Variants in CMSS1 observed in about 807,000 individuals in gnomAD.
CMSS1 encodes cms1 ribosomal small subunit homolog, also known as protein CMSS1.
CMSS1 carries 33 observed loss-of-function variants against 43.5 expected under a neutral mutation model. That is an observed-to-expected ratio of 0.76 (90% CI 0.57 to 1.01). The LOEUF (loss-of-function observed/expected upper bound fraction) is 1.01, where lower values mean the gene tolerates loss of function less well. Ranked by LOEUF, CMSS1 falls within the 50% of genes least tolerant of loss-of-function variation. The probability of loss-of-function intolerance (pLI) is 0.00; values close to 1 mark genes in which losing one functional copy is unlikely to be tolerated. For synonymous variants in CMSS1, 115 were observed against 117.2 expected, an observed-to-expected ratio of 0.98 and a Z score of 0.12; for missense variants, 313 against 326.4, an observed-to-expected ratio of 0.96 and a Z score of 0.32.
chr3:99,891,894 G>A (rs1706093428), intron 1 of CMSS1, among the ~76,000 whole-genome samples: 1 of 152,008 alleles, frequency 6.6e-6, no homozygotes, highest in Non-Finnish European at 1.5e-5. Flanking sequence ...GTCATTCTTA[G>A]GTCTACATAT....
chr3:100,062,935 G>A (rs2065599085), intron 1 of CMSS1, among the ~76,000 whole-genome samples: 1 of 152,176 alleles, frequency 6.6e-6, no homozygotes, highest in Admixed American at 6.5e-5. Context: ...TAATCTCTCT[G>A]AGCCAGCAGA....
At position 100,117,835 on chromosome 3, in the gene CMSS1, A is replaced by G. The variant is rs1443281304; in HGVS notation, c.65-29138A>G. 1.0e-3 allele frequency among the ~76,000 whole-genome samples: 96 copies of G among 94,154 alleles called. 2 individuals carry two copies. The highest frequency in any genetic ancestry group is 1.6e-3 in the Non-Finnish European group (74 of 47,318). 61.8% of individuals were successfully genotyped at this position (94,154 alleles called of 152,430 possible). On this transcript the variant is annotated intron_variant, in intron 1 of 9. Transcript: ENST00000421999. ...GATAGATAAACTGCAGTATATATAT[A>G]TATATATATATATATATACATATAT...
intron 1 of CMSS1, among the ~76,000 whole-genome samples, chr3:99,824,813 AT>A (rs1942507538): frequency 6.6e-6 from 1 of 152,204 alleles, no homozygotes; most frequent in Non-Finnish European, 1.5e-5. Flanking sequence ...TAAGCCTGTA[AT>A]TTTTACTGGT....
At chr3:99,998,798 T>C (rs1388884153) in intron 1 of CMSS1, among the ~76,000 whole-genome samples, 2 of 152,236 alleles carry the variant, frequency 1.3e-5, no homozygotes, top group Non-Finnish European at 2.9e-5. Flanking sequence ...CTCGATCTCC[T>C]GACCTCGTGA....
chr3:99,922,861 C>T (rs1707167479), intron 1 of CMSS1, among the ~76,000 whole-genome samples: 1 of 152,202 alleles, frequency 6.6e-6, no homozygotes, highest in Non-Finnish European at 1.5e-5. Flanking sequence ...TAAGCTTCTA[C>T]ATTCTTATTT....
chr3:99,879,253 G>A (rs1705640275), intron 1 of CMSS1, among the ~76,000 whole-genome samples: 1 of 152,020 alleles, frequency 6.6e-6, no homozygotes, highest in Non-Finnish European at 1.5e-5. Flanking sequence ...AGGTAACAAG[G>A]CAAGAAACAA....
intron 1 of CMSS1, among the ~76,000 whole-genome samples, chr3:100,108,071 T>C (rs765912537): frequency 2.0e-5 from 3 of 152,092 alleles, no homozygotes; most frequent in Non-Finnish European, 4.4e-5. Context: ...GGATGTGTAC[T>C]CTAGAGCACT....
At chr3:100,019,347 C>T (rs2064762862) in intron 1 of CMSS1, among the ~76,000 whole-genome samples, 1 of 151,920 alleles carries the variant, frequency 6.6e-6, no homozygotes, top group Non-Finnish European at 1.5e-5. Flanking sequence ...GTGAAACAGC[C>T]AAGGGGTAAA....
intron 1 of CMSS1, among the ~76,000 whole-genome samples, chr3:100,115,242 A>C (rs1276147704): frequency 1.3e-5 from 2 of 152,154 alleles, no homozygotes; most frequent in African/African-American, 4.8e-5. Context: ...TGCTCAAGTC[A>C]TGCATTATCT....
At chr3:100,002,969 C>T (rs749159847) in intron 1 of CMSS1, among the ~76,000 whole-genome samples, 13 of 152,110 alleles carry the variant, frequency 8.5e-5, no homozygotes, top group South Asian at 4.1e-4. Flanking sequence ...AGAGTCCAGG[C>T]GACAAGATTG....
intron 1 of CMSS1, among the ~76,000 whole-genome samples, chr3:99,952,210 T>C (rs761807463): frequency 3.3e-5 from 5 of 152,132 alleles, no homozygotes; most frequent in Admixed American, 6.5e-5. Context: ...AGGGTCAATT[T>C]CTATTTGAGA....
chr3:99,971,725 C>G (rs1708827948), intron 1 of CMSS1, among the ~76,000 whole-genome samples: 1 of 152,152 alleles, frequency 6.6e-6, no homozygotes. Context: ...ATGGTAGGGT[C>G]TAGGATACAC....
intron 2 of CMSS1, among the ~76,000 whole-genome samples, chr3:100,147,270 T>C (rs1035764968): frequency 1.9e-4 from 28 of 146,236 alleles, no homozygotes; most frequent in African/African-American, 5.3e-4. Flanking sequence ...TTTTTCTTTT[T>C]TTTTTTTTTT....
chr3:100,148,496 G>A (rs1376319373), intron 2 of CMSS1, among the ~76,000 whole-genome samples: 1 of 152,174 alleles, frequency 6.6e-6, no homozygotes, highest in African/African-American at 2.4e-5. Context: ...ACACCAGAGT[G>A]TTATTCTACC....
chr3:99,975,273 C>T (rs570514249), intron 1 of CMSS1, among the ~76,000 whole-genome samples: 4 of 152,256 alleles, frequency 2.6e-5, no homozygotes, highest in Non-Finnish European at 4.4e-5. Context: ...CCTTCTAGTT[C>T]GAGGAACTGT....
intron 1 of CMSS1, among the ~76,000 whole-genome samples, chr3:100,059,304 T>A (rs1245046030): frequency 6.6e-6 from 1 of 152,226 alleles, no homozygotes; most frequent in Non-Finnish European, 1.5e-5. Flanking sequence ...CATTTGAGGC[T>A]ATAATGGGAC....
chr3:100,113,881 A>G (rs1394411854), intron 1 of CMSS1, among the ~76,000 whole-genome samples: 1 of 152,148 alleles, frequency 6.6e-6, no homozygotes. Context: ...ACTCTTAGTC[A>G]TTTTAGCCTA....
At chr3:99,900,612 A>T (rs1706404083) in intron 1 of CMSS1, among the ~76,000 whole-genome samples, 1 of 152,222 alleles carries the variant, frequency 6.6e-6, no homozygotes, top group Non-Finnish European at 1.5e-5. Flanking sequence ...TGTTCCAACC[A>T]TTTCTTCACA....
At chr3:100,051,443 T>C (rs904768234) in intron 1 of CMSS1, 11 of 151,860 alleles carry the variant, frequency 7.2e-5, no homozygotes, top group Non-Finnish European at 1.5e-4. Flanking sequence ...GCCATGTTGG[T>C]GTGCTGCACT....
Sources: allele counts gnomAD v4.1 joint callset (sites outside exome capture counted in the v4.1 genomes callset), GRCh38; gene constraint gnomAD v4.1.1; transcripts MANE v1.5; gene names NCBI Gene and HGNC (gene_info 2026-07-23, HGNC 2026-07-21).